Variants in PHACTR4 observed in about 807,000 individuals in gnomAD.
PHACTR4 encodes the protein phosphatase and actin regulator 4, also known as protein phosphatase 1, regulatory subunit 124.
PHACTR4 carries 51 observed loss-of-function variants against 72.7 expected under a neutral mutation model. The observed-to-expected ratio is 0.70, with a 90% CI of 0.56 to 0.89. The LOEUF (loss-of-function observed/expected upper bound fraction) is 0.89, where lower values mean the gene tolerates loss of function less well. Among genes scored for constraint, PHACTR4 ranks in the 40% least tolerant of loss-of-function variants. The pLI is 0.00. For synonymous variants in PHACTR4, 255 were observed against 302.5 expected, an observed-to-expected ratio of 0.84 and a Z score of 1.63; for missense variants, 731 against 861.8, an observed-to-expected ratio of 0.85 and a Z score of 1.90.
chr1:28,370,873 T>C (rs1651191370), intron 1 of PHACTR4, among the ~76,000 whole-genome samples: 1 of 151,936 alleles, frequency 6.6e-6, no homozygotes, highest in South Asian at 2.1e-4. Flanking sequence ...GAGAATCGCT[T>C]GAGGCCAGAA....
intron 2 of PHACTR4, among the ~76,000 whole-genome samples, chr1:28,425,676 A>T (rs770884935): frequency 6.6e-6 from 1 of 152,238 alleles, no homozygotes; most frequent in Non-Finnish European, 1.5e-5. Flanking sequence ...CATCAGACAC[A>T]TACTGTGTTC....
chr1:28,487,717 G>GTTTTTTTTTTTT (rs1320016675), intron 9 of PHACTR4, among the ~76,000 whole-genome samples: 3 of 102,458 alleles, frequency 2.9e-5, no homozygotes, highest in African/African-American at 1.2e-4. Context: ...ACAAATTGTA[G>GTTTTTTTTTTTT]TTTTTTGTTG....
intron 1 of PHACTR4, among the ~76,000 whole-genome samples, chr1:28,380,575 A>G (rs1652088022): frequency 6.6e-6 from 1 of 152,140 alleles, no homozygotes; most frequent in Non-Finnish European, 1.5e-5. Context: ...CTCATCATGC[A>G]ATATTTGGAA....
chr1:28,490,974 G>A lies in PHACTR4; in HGVS notation c.1840G>A (p.Ala614Thr), dbSNP rs1326210547. ...AGCTAAAAATGAAGCTGATCGTCAG[G>A]CAGAAAAACGAGAAATTAAACGTCG... Reference protein sequence around the residue: ...LQPKNEADRQAEKREIKRRLT... With the variant: ...LQPKNEADRQTEKREIKRRLT... The change falls in exon 11 of 14, where the codon GCA becomes ACA. Residue 614 changes from alanine to threonine, a missense_variant. Coordinates refer to ENST00000373839, the MANE Select transcript of PHACTR4 (RefSeq NM_001048183.3). 7 of 1,613,916 alleles carry A rather than the reference G, an allele frequency of 4.3e-6. No individual in the cohort carries two copies. Among genetic ancestry groups the A allele is most frequent in the Non-Finnish European group, 5.9e-6 (7 of 1,179,968 alleles).
At chr1:28,383,361 TA>T (rs1652334031) in intron 1 of PHACTR4, among the ~76,000 whole-genome samples, 1 of 152,072 alleles carries the variant, frequency 6.6e-6, no homozygotes, top group Admixed American at 6.6e-5. Flanking sequence ...AATTTTAAAA[TA>T]ATTTTTTTTT....
intron 1 of PHACTR4, among the ~76,000 whole-genome samples, chr1:28,385,957 C>T (rs917076095): frequency 2.6e-5 from 4 of 152,016 alleles, no homozygotes; most frequent in Non-Finnish European, 5.9e-5. Flanking sequence ...AGTTTGATTC[C>T]GCTGTGGTCC....
At chr1:28,436,389 A>C (rs1656638240) in intron 2 of PHACTR4, among the ~76,000 whole-genome samples, 1 of 151,806 alleles carries the variant, frequency 6.6e-6, no homozygotes, top group Admixed American at 6.6e-5. Context: ...GGTGCACGCC[A>C]CTCCACCCAG....
intron 10 of PHACTR4, 144 bp from the exon 11 acceptor site, chr1:28,490,807 C>T: frequency 9.0e-6 from 7 of 774,772 alleles, no homozygotes; most frequent in Non-Finnish European, 1.4e-5. Context: ...TGTACCATTG[C>T]ACTCCAGCCT....
At chr1:28,378,534 A>T (rs914507457) in intron 1 of PHACTR4, among the ~76,000 whole-genome samples, 6 of 147,466 alleles carry the variant, frequency 4.1e-5, no homozygotes, top group East Asian at 2.0e-4. Context: ...TTTTTTAACC[A>T]TTTTTTTGTT....
rs1490035160 is a variant in PHACTR4 at position 28,490,947 on chromosome 1, G to A, written c.1817-4G>A. 6.2e-7 allele frequency: 1 copy of A among 1,613,316 alleles called. No individual in the cohort carries two copies. Among genetic ancestry groups the A allele is most frequent in the South Asian group, 1.1e-5 (1 of 91,064 alleles). ...TATTCCTTCCTTCTGATTGTCAACT[G>A]TAGCTAAAAATGAAGCTGATCGTCA... On this transcript the variant is annotated splice_region_variant and splice_polypyrimidine_tract_variant and intron_variant, in intron 10 of 13. Transcript: ENST00000373839.
At chr1:28,397,851 A>G (rs1409349087) in intron 1 of PHACTR4, among the ~76,000 whole-genome samples, 1 of 151,906 alleles carries the variant, frequency 6.6e-6, no homozygotes, top group Non-Finnish European at 1.5e-5. Context: ...GCGTGCCACC[A>G]TGCCCTGCTA....
intron 4 of PHACTR4, among the ~76,000 whole-genome samples, chr1:28,460,765 T>C (rs1386165555): frequency 5.3e-5 from 8 of 152,146 alleles, no homozygotes; most frequent in Non-Finnish European, 1.2e-4. Flanking sequence ...CGCCTTGGCC[T>C]CCCAAAGTTC....
intron 1 of PHACTR4, among the ~76,000 whole-genome samples, chr1:28,395,065 C>G (rs1189633224): frequency 3.3e-5 from 5 of 151,668 alleles, no homozygotes; most frequent in Non-Finnish European, 2.9e-5. Context: ...AGGCGCCCAC[C>G]ACCACCCTGG....
At chr1:28,399,258 G>A (rs1265309810) in intron 1 of PHACTR4, among the ~76,000 whole-genome samples, 2 of 152,070 alleles carry the variant, frequency 1.3e-5, no homozygotes, top group Non-Finnish European at 2.9e-5. Flanking sequence ...GTTATAGTAA[G>A]CCAAGGTCAT....
intron 8 of PHACTR4, among the ~76,000 whole-genome samples, chr1:28,477,859 G>C (rs35420084): frequency 0.1 from 15,808 of 151,502 alleles, 1,901 homozygotes; most frequent in African/African-American, 0.3. Context: ...GCTCATTTTT[G>C]TATTTTTTTA....
intron 1 of PHACTR4, among the ~76,000 whole-genome samples, chr1:28,389,769 G>T (rs946921755): frequency 6.6e-6 from 1 of 152,128 alleles, no homozygotes; most frequent in Admixed American, 6.6e-5. Flanking sequence ...GAGCCACCGC[G>T]CCTGGCCTGT....
chr1:28,376,192 G>T (rs1651651789), intron 1 of PHACTR4, among the ~76,000 whole-genome samples: 1 of 150,790 alleles, frequency 6.6e-6, no homozygotes, highest in Non-Finnish European at 1.5e-5. Flanking sequence ...TCACTGCTGT[G>T]GTCCCAGCTA....
chr1:28,440,552 C>T (rs2124408404), intron 2 of PHACTR4, among the ~76,000 whole-genome samples: 1 of 151,366 alleles, frequency 6.6e-6, no homozygotes, highest in Non-Finnish European at 1.5e-5. Flanking sequence ...TCTATTCCTA[C>T]CAGTAGCCCT....
intron 2 of PHACTR4, among the ~76,000 whole-genome samples, chr1:28,434,922 A>T (rs913054528): frequency 6.6e-6 from 1 of 152,092 alleles, no homozygotes; most frequent in African/African-American, 2.4e-5. Flanking sequence ...CTATCTTGTT[A>T]TACTCTTGTA....
Sources: gnomAD v4.1 joint callset for allele counts (sites outside exome capture counted in the v4.1 genomes callset) on GRCh38, gnomAD v4.1.1 for gene constraint, MANE v1.5 for transcripts, NCBI Gene and HGNC (gene_info 2026-07-23, HGNC 2026-07-21) for gene names.